RPS6KB2: variants seen among roughly 807,000 people sequenced by gnomAD.
RPS6KB2 encodes the protein ribosomal protein S6 kinase beta-2.
Under a neutral mutation model 58.2 loss-of-function variants are expected in RPS6KB2, and 51 were observed. The observed-to-expected ratio is 0.88, with a 90% CI of 0.70 to 1.11. The LOEUF (loss-of-function observed/expected upper bound fraction) is 1.11. RPS6KB2 is among the 50% of genes least tolerant of loss of function. RPS6KB2 has a pLI of 0.00. For missense variants in RPS6KB2, 671 were observed against 655.8 expected, an observed-to-expected ratio of 1.02 and a Z score of -0.25; for synonymous variants, 293 against 258.6, an observed-to-expected ratio of 1.13 and a Z score of -1.28.
intron 11 of RPS6KB2, 59 bp from the exon 12 acceptor site, chr11:67,434,139 G>C: frequency 6.2e-7 from 1 of 1,610,660 alleles, no homozygotes; most frequent in Non-Finnish European, 8.5e-7. Flanking sequence ...GGCAGAGGGA[G>C]TGACCGGGGG....
chr11:67,429,624 T>C, intron 4 of RPS6KB2, 29 bp downstream of exon 4: 9 of 1,555,394 alleles, frequency 5.8e-6, no homozygotes, highest in Non-Finnish European at 7.0e-6. Context: ...CAACGAATAC[T>C]GTGTGGCTGC....
At chr11:67,431,196 AT>A in intron 4 of RPS6KB2, 171 bp from the exon 5 acceptor site, 2 of 557,694 alleles carry the variant, frequency 3.6e-6, no homozygotes, top group Non-Finnish European at 6.3e-6. Context: ...TACCCAGCTA[AT>A]TTTTCTATTT....
chr11:67,428,822 T>C, intron 1 of RPS6KB2, 160 bp from the exon 2 acceptor site: 2 of 986,620 alleles, frequency 2.0e-6, no homozygotes, highest in South Asian at 2.8e-5. Flanking sequence ...TTTCTCCCGA[T>C]TCTCCCTTTC....
chr11:67,433,023 T>G lies in RPS6KB2; in HGVS notation c.688T>G (p.Cys230Gly). ...TGAGGGCGCCGTCACTCACACCTTCTGCGGCACCATTGAGTACATGTAAGT... is the reference window on the plus strand; with the variant it reads ...TGAGGGCGCCGTCACTCACACCTTCGGCGGCACCATTGAGTACATGTAAGT... ...IHEGAVTHTF[C>G]GTIEYMAPEI... Residue 230 changes from cysteine to glycine, a missense_variant, in exon 8 of 15, where the codon TGC becomes GGC. By Grantham distance (159) the Cys-to-Gly change is radical. Transcript: ENST00000312629. 1 of 1,613,364 alleles carries G rather than the reference T, an allele frequency of 6.2e-7. No homozygotes were observed. The highest frequency in any genetic ancestry group is 8.5e-7 in the Non-Finnish European group (1 of 1,180,020).
At chr11:67,431,824 C>G (rs1271057480) in intron 5 of RPS6KB2, 2 of 344,772 alleles carry the variant, frequency 5.8e-6, no homozygotes, top group African/African-American at 2.1e-5. Flanking sequence ...TTGTTCTTCT[C>G]TCCCGTGTGC....
intron 5 of RPS6KB2, 142 bp from the exon 6 acceptor site, chr11:67,432,453 CTGAAT>C: frequency 4.7e-6 from 4 of 843,412 alleles, no homozygotes; most frequent in Non-Finnish European, 8.0e-6. Flanking sequence ...TAGATGTTTG[CTGAAT>C]TGAATTGAAT....
intron 5 of RPS6KB2, 52 bp from the exon 6 acceptor site, chr11:67,432,548 G>C: frequency 6.3e-7 from 1 of 1,598,268 alleles, no homozygotes; most frequent in Non-Finnish European, 8.6e-7. Context: ...GACTCAGAAA[G>C]CACAAAGGGG....
Position 67,429,258 on chromosome 11 carries a change from C to T in RPS6KB2, c.240+18C>T, listed in dbSNP as rs750931103. The T allele has an allele frequency of 1.9e-6, 3 of 1,611,082 alleles. No individual in the cohort carries two copies. The highest frequency in any genetic ancestry group is 1.7e-6 in the Non-Finnish European group (2 of 1,179,858). ...ATGGCAAGGTAGGGGCGGGCGCACC[C>T]TCCTCCTGGCCTCACAGCCTCCATC... On this transcript the variant is annotated intron_variant, in intron 3 of 14. Coordinates refer to ENST00000312629, the MANE Select transcript of RPS6KB2 (RefSeq NM_003952.3).
intron 4 of RPS6KB2, 170 bp downstream of exon 4, chr11:67,429,765 G>C: frequency 1.7e-6 from 1 of 600,350 alleles, no homozygotes; most frequent in Non-Finnish European, 3.0e-6. Flanking sequence ...TCTCAATGGG[G>C]GCAATTTTGA....
chr11:67,431,399 C>T lies in RPS6KB2; in HGVS notation c.341C>T (p.Ala114Val), dbSNP rs771292935. Residue 114 changes from alanine (A) to valine (V), a missense_variant, in exon 5 of 15, where the codon GCA becomes GTA. Physicochemically the swap from Ala to Val is moderately conservative, Grantham distance 64 (BLOSUM62 0). Transcript: ENST00000312629. ...AKIVRNAKDT[A>V]HTRAERNILE... ...ATTGTGCGCAATGCCAAGGACACAG[C>T]ACACACACGGGCTGAGCGGAACATT... 1 of 1,614,032 alleles carries T rather than the reference C, an allele frequency of 6.2e-7. No homozygotes were observed. The highest frequency in any genetic ancestry group is 1.7e-5 in the Admixed American group (1 of 60,010).
At chr11:67,429,393 C>CG (rs1863951124) in intron 3 of RPS6KB2, 134 bp from the exon 4 acceptor site, 10 of 1,362,496 alleles carry the variant, frequency 7.3e-6, no homozygotes, top group Non-Finnish European at 1.0e-5. Context: ...CCTCTCCAAT[C>CG]GGACTTGAAA....
At chr11:67,434,313 G>T in intron 12 of RPS6KB2, 38 bp downstream of exon 12, 2 of 1,611,530 alleles carry the variant, frequency 1.2e-6, no homozygotes, top group South Asian at 1.1e-5. Flanking sequence ...CCGGTGGCGG[G>T]TGGCAAGTGG....
rs749838382 is a variant in RPS6KB2, at chr11:67,433,312, G to A, written c.799-28G>A. ...GCAGGGCCTGGTGGGAGGCCCACAA[G>A]GCTCCTCTCACCTTCCTCCTCCTCC... is the stretch of plus-strand genomic sequence containing the variant. On this transcript the variant is annotated intron_variant, in intron 9 of 14. Coordinates refer to ENST00000312629, the MANE Select transcript of RPS6KB2 (RefSeq NM_003952.3). 3.2e-5 allele frequency: 51 copies of A among 1,606,626 alleles called. 1 individual carries two copies. Among genetic ancestry groups the A allele is most frequent in the Non-Finnish European group, 4.3e-5 (50 of 1,173,978 alleles).
At chr11:67,434,841 C>T in intron 14 of RPS6KB2, 147 bp downstream of exon 14, 5 of 997,662 alleles carry the variant, frequency 5.0e-6, no homozygotes, top group Admixed American at 4.2e-5. Flanking sequence ...TTCCTACACC[C>T]CTTGTGGCCA....
chr11:67,428,863 A>G, intron 1 of RPS6KB2, 119 bp from the exon 2 acceptor site: 4 of 1,215,144 alleles, frequency 3.3e-6, no homozygotes, highest in Non-Finnish European at 4.9e-6. Flanking sequence ...ATTCTTACCC[A>G]TCCCCTACTA....
chr11:67,432,079 C>T lies in RPS6KB2; in HGVS notation c.458-521C>T, dbSNP rs573486089. 10 of 343,614 alleles carry T rather than the reference C, an allele frequency of 2.9e-5. No individual in the cohort carries two copies. In the East Asian group the frequency reaches 3.9e-4, roughly 13 times the overall value. The allele number at this position is 343,614 out of a possible 1,614,324, so 21.3% of individuals were successfully genotyped here. A position where few individuals can be genotyped will look rare whatever the true frequency, so the allele number is the denominator to read the frequency against. ...CCCACATCAAGCCTTGCCCCTAGGC[C>T]GGCTGTCCCCTGCAGGCTGTGAGCA... On this transcript the variant is annotated intron_variant, in intron 5 of 14. Coordinates refer to ENST00000312629, the MANE Select transcript of RPS6KB2 (RefSeq NM_003952.3).
chr11:67,435,330 A>T lies in RPS6KB2; in HGVS notation c.*161A>T. The T allele has an allele frequency of 1.3e-6, 1 of 752,186 alleles. No homozygotes were observed. The highest frequency in any genetic ancestry group is 2.1e-6 in the Non-Finnish European group (1 of 481,296). The allele number at this position is 752,186 out of a possible 1,614,324, so 46.6% of individuals were successfully genotyped here. On this transcript the variant is annotated 3_prime_UTR_variant, in exon 15 of 15. Transcript: ENST00000312629. Reference sequence around the variant, plus strand: ...GCTGGGGCAGCTGTGCCCCTGAATCATGGGCACGGAGGGCCGCCCGCCACG... The same window carrying T: ...GCTGGGGCAGCTGTGCCCCTGAATCTTGGGCACGGAGGGCCGCCCGCCACG...
chr11:67,431,584 T>TG (rs1864024111), intron 5 of RPS6KB2, 69 bp downstream of exon 5: 1 of 1,477,832 alleles, frequency 6.8e-7, no homozygotes, highest in Non-Finnish European at 9.3e-7. Flanking sequence ...AAGGAAGCTC[T>TG]GGGGGGAAGC....
chr11:67,434,003 A>G lies in RPS6KB2; in HGVS notation c.915A>G (p.Lys305=). Residue 305 remains lysine (K), a synonymous_variant, in exon 11 of 15, where the codon AAA becomes AAG. Coordinates refer to ENST00000312629, the MANE Select transcript of RPS6KB2 (RefSeq NM_003952.3). ...DARDLVKKFL[K]RNPSQRIGGG... is the part of the protein sequence containing the mutation. ...CTCTCCTGGTCCCGCAGTTTCTGAAACGGAATCCCAGCCAGCGGATTGGGG... is the reference window on the plus strand; with the variant it reads ...CTCTCCTGGTCCCGCAGTTTCTGAAGCGGAATCCCAGCCAGCGGATTGGGG... 6.2e-7 allele frequency: 1 copy of G among 1,614,122 alleles called. No individual in the cohort carries two copies. Among genetic ancestry groups the G allele is most frequent in the South Asian group, 1.1e-5 (1 of 91,084 alleles).
Sources: gnomAD v4.1 joint callset for allele counts on GRCh38, gnomAD v4.1.1 for gene constraint, MANE v1.5 for transcripts, NCBI Gene and HGNC (gene_info 2026-07-23, HGNC 2026-07-21) for gene names.